The following DLG2 variants were observed in gnomAD, a reference collection of about 807,000 sequenced individuals.
The protein encoded by DLG2 is discs large MAGUK scaffold protein 2.
In DLG2, 45 loss-of-function variants were observed where a neutral mutation model predicts 132.5. The observed-to-expected ratio is 0.34, with a 90% CI of 0.27 to 0.44. DLG2 has a LOEUF of 0.44. Ranked by LOEUF, DLG2 falls within the 20% of genes least tolerant of loss-of-function variation. DLG2 has a pLI of 1.00. For missense variants in DLG2, 1,045 were observed against 1,196.9 expected, an observed-to-expected ratio of 0.87 and a Z score of 1.87; for synonymous variants, 424 against 419.6, an observed-to-expected ratio of 1.01 and a Z score of -0.13.
chr11:83,572,959 T>C (rs1445198839), intron 19 of DLG2, among the ~76,000 whole-genome samples: 1 of 152,320 alleles, frequency 6.6e-6, no homozygotes, highest in South Asian at 2.1e-4. Context: ...TACAGCATCA[T>C]TAAGGCTTTC....
intron 7 of DLG2, among the ~76,000 whole-genome samples, chr11:84,527,695 T>C (rs2099325532): frequency 6.6e-6 from 1 of 152,230 alleles, no homozygotes. Context: ...AAGCCGGTTT[T>C]GACTGCAAGA....
At chr11:84,207,534 G>A (rs1019347429) in intron 8 of DLG2, among the ~76,000 whole-genome samples, 2 of 152,082 alleles carry the variant, frequency 1.3e-5, no homozygotes, top group African/African-American at 4.8e-5. Flanking sequence ...ATGGCATTCA[G>A]AGGGGAAAGA....
At chr11:85,604,698 G>A (rs2080404810) in intron 2 of DLG2, among the ~76,000 whole-genome samples, 1 of 151,968 alleles carries the variant, frequency 6.6e-6, no homozygotes, top group East Asian at 1.9e-4. Context: ...GGGGAAGGGA[G>A]AATCACTTTT....
intron 21 of DLG2, among the ~76,000 whole-genome samples, chr11:83,500,820 A>T (rs1270710215): frequency 6.6e-6 from 1 of 152,128 alleles, no homozygotes; most frequent in Non-Finnish European, 1.5e-5. Context: ...GAGATGATAA[A>T]ATTTAATAAT....
rs2057482567 is a variant in DLG2, at chr11:84,994,899, A to G, written c.357+116762T>C. On this transcript the variant is annotated intron_variant, in intron 6 of 27. Transcript: ENST00000376104. The stretch of plus-strand genomic sequence containing the variant: ...ATATCACTGGAGACATCATTGATGA[A>G]AAAATTCTTAAGGAACTTAATATGT... 2.6e-5 allele frequency among the ~76,000 whole-genome samples: 4 copies of G among 152,314 alleles called. No homozygotes were observed. The South Asian group carries it at 8.3e-4, about 32-fold the overall frequency.
intron 6 of DLG2, among the ~76,000 whole-genome samples, chr11:84,889,110 C>CTTACA (rs58081071): frequency 6.6e-6 from 1 of 151,410 alleles, no homozygotes; most frequent in Non-Finnish European, 1.5e-5. Flanking sequence ...ATTAAAATCT[C>CTTACA]TTAAACTTAC....
At chr11:83,558,891 G>GAGTAAAA (rs2096565196) in intron 19 of DLG2, among the ~76,000 whole-genome samples, 1 of 149,970 alleles carries the variant, frequency 6.7e-6, no homozygotes, top group African/African-American at 2.5e-5. Context: ...GTGTGTGTAT[G>GAGTAAAA]AGTAAAATCT....
chr11:83,998,612 C>A (rs965581042), intron 11 of DLG2, among the ~76,000 whole-genome samples: 11 of 152,170 alleles, frequency 7.2e-5, no homozygotes, highest in Non-Finnish European at 1.6e-4. Flanking sequence ...TGGACTCCTG[C>A]AATCCTAGAC....
At chr11:83,665,796 T>G (rs1332730652) in intron 18 of DLG2, among the ~76,000 whole-genome samples, 1 of 152,180 alleles carries the variant, frequency 6.6e-6, no homozygotes, top group East Asian at 1.9e-4. Context: ...TCTTGAGATT[T>G]TTTTTTTTAG....
intron 7 of DLG2, among the ~76,000 whole-genome samples, chr11:84,527,793 T>C (rs889642493): frequency 2.0e-5 from 3 of 152,168 alleles, no homozygotes; most frequent in Admixed American, 6.5e-5. Context: ...AGATTTCAGA[T>C]ATGTTAATAT....
intron 6 of DLG2, among the ~76,000 whole-genome samples, chr11:84,956,944 A>C (rs909770838): frequency 7.9e-5 from 12 of 152,210 alleles, no homozygotes; most frequent in Non-Finnish European, 2.9e-5. Context: ...TGGCTCAAGG[A>C]AATAAGAAAT....
At chr11:84,378,596 T>G (rs2098738179) in intron 7 of DLG2, among the ~76,000 whole-genome samples, 1 of 151,838 alleles carries the variant, frequency 6.6e-6, no homozygotes, top group Non-Finnish European at 1.5e-5. Context: ...TTTTTAAGAT[T>G]TGGAACTCAA....
intron 4 of DLG2, among the ~76,000 whole-genome samples, chr11:85,217,365 CAG>C (rs1432461480): frequency 6.7e-6 from 1 of 150,240 alleles, no homozygotes; most frequent in Non-Finnish European, 1.5e-5. Context: ...ATCATGCACA[CAG>C]AGTCAATTAT....
At chr11:85,183,663 T>C (rs900460907) in intron 4 of DLG2, among the ~76,000 whole-genome samples, 1 of 151,898 alleles carries the variant, frequency 6.6e-6, no homozygotes, top group Non-Finnish European at 1.5e-5. Context: ...TTGTACCCCA[T>C]TTACTGCATG....
At chr11:84,342,819 T>C (rs1407834751) in intron 7 of DLG2, among the ~76,000 whole-genome samples, 3 of 152,192 alleles carry the variant, frequency 2.0e-5, no homozygotes, top group African/African-American at 7.2e-5. Context: ...AAATAGGACT[T>C]GGCGCCAACA....
chr11:85,333,139 C>T (rs573888195), intron 3 of DLG2, among the ~76,000 whole-genome samples: 44 of 151,758 alleles, frequency 2.9e-4, no homozygotes, highest in Admixed American at 8.5e-4. Context: ...CAAGTGTTCT[C>T]ATTGCAGAGA....
intron 6 of DLG2, among the ~76,000 whole-genome samples, chr11:84,813,020 A>G (rs560409342): frequency 4.6e-5 from 7 of 152,202 alleles, no homozygotes; most frequent in African/African-American, 1.4e-4. Flanking sequence ...AGTTACATCA[A>G]TCTCATTCTT....
chr11:84,235,639 C>G (rs1266132447), intron 8 of DLG2, among the ~76,000 whole-genome samples: 1 of 152,192 alleles, frequency 6.6e-6, no homozygotes, highest in Non-Finnish European at 1.5e-5. Context: ...ATGTGTTTCT[C>G]TTTGTAGCAC....
intron 6 of DLG2, among the ~76,000 whole-genome samples, chr11:84,993,268 G>A (rs559921961): frequency 3.9e-5 from 6 of 152,272 alleles, no homozygotes; most frequent in African/African-American, 9.6e-5. Flanking sequence ...GTCGGAGGGT[G>A]GGGGGCAAGG....
Sources: allele counts gnomAD v4.1 joint callset (sites outside exome capture counted in the v4.1 genomes callset), GRCh38; gene constraint gnomAD v4.1.1; transcripts MANE v1.5; gene names NCBI Gene and HGNC (gene_info 2026-07-23, HGNC 2026-07-21).